Variants in CCDC192 observed in about 807,000 individuals in gnomAD.
CCDC192 encodes the protein coiled-coil domain containing 192, also known as coiled-coil domain-containing protein 192.
At chr5:127,752,299 T>C (rs1291262480) in intron 2 of CCDC192, among the ~76,000 whole-genome samples, 1 of 152,218 alleles carries the variant, frequency 6.6e-6, no homozygotes, top group Non-Finnish European at 1.5e-5. Context: ...TTGGTGTGGA[T>C]GTCCTTTCTG....
At chr5:127,783,783 A>G (rs780893011) in intron 3 of CCDC192, among the ~76,000 whole-genome samples, 3 of 152,132 alleles carry the variant, frequency 2.0e-5, no homozygotes, top group Non-Finnish European at 4.4e-5. Context: ...TCTTAGGTCT[A>G]TAAGTAATTG....
At chr5:127,755,713 C>A (rs1580603904) in intron 3 of CCDC192, among the ~76,000 whole-genome samples, 1 of 148,742 alleles carries the variant, frequency 6.7e-6, no homozygotes, top group African/African-American at 2.5e-5. Flanking sequence ...TTCAGAGTCT[C>A]CAAATTGGGA....
intron 5 of CCDC192, among the ~76,000 whole-genome samples, chr5:127,853,634 G>A (rs568859062): frequency 8.7e-4 from 132 of 152,224 alleles, no homozygotes; most frequent in African/African-American, 3.0e-3. Flanking sequence ...TTATCCGGGC[G>A]TGGTGATGGG....
intron 6 of CCDC192, among the ~76,000 whole-genome samples, chr5:127,875,969 G>A (rs2127135249): frequency 6.6e-6 from 1 of 152,080 alleles, no homozygotes; most frequent in Middle Eastern, 3.4e-3. Flanking sequence ...GGCGTAAGAA[G>A]GAAGGCAGGT....
chr5:127,880,752 G>A (rs2127143465), intron 6 of CCDC192, among the ~76,000 whole-genome samples: 1 of 152,240 alleles, frequency 6.6e-6, no homozygotes, highest in African/African-American at 2.4e-5. Flanking sequence ...GGCAGAGGTG[G>A]ATGGATCGCC....
chr5:127,901,634 G>A (rs1753039417), intron 6 of CCDC192, among the ~76,000 whole-genome samples: 1 of 152,166 alleles, frequency 6.6e-6, no homozygotes. Flanking sequence ...AAGCCTAACG[G>A]AAAAGTATGG....
chr5:127,752,110 C>G (rs1371239997), intron 2 of CCDC192, among the ~76,000 whole-genome samples: 1 of 152,240 alleles, frequency 6.6e-6, no homozygotes, highest in East Asian at 1.9e-4. Context: ...CTTCTTCCCT[C>G]AGCTCATCAA....
At chr5:127,932,070 C>G (rs1439679307) in intron 6 of CCDC192, among the ~76,000 whole-genome samples, 1 of 149,826 alleles carries the variant, frequency 6.7e-6, no homozygotes. Context: ...AGGGGAATCG[C>G]TTGAACCTGG....
At chr5:127,703,123 T>G (rs1015292391), upstream of CCDC192, among the ~76,000 whole-genome samples, 2 of 152,180 alleles carry the variant, frequency 1.3e-5, no homozygotes, top group African/African-American at 4.8e-5. Context: ...TTAGCATTGG[T>G]TCTGGATGTA....
chr5:127,870,064 C>T lies in CCDC192; in HGVS notation c.412-5474C>T, dbSNP rs888101997. On this transcript the variant is annotated intron_variant, in intron 5 of 6. Coordinates refer to ENST00000514853, the MANE Select transcript of CCDC192 (RefSeq NM_001317938.2). ...TATCAAATTAAATAAGAAAAAGCTA[C>T]GTCTTGCACTTGTGATTGTTTTTCA... Among the ~76,000 whole-genome samples the T allele has an allele frequency of 1.6e-4, 24 of 152,280 alleles. No homozygotes were observed. The East Asian group carries it at 3.1e-3, about 20-fold the overall frequency.
At chr5:127,881,020 T>A (rs574060939) in intron 6 of CCDC192, among the ~76,000 whole-genome samples, 1 of 152,106 alleles carries the variant, frequency 6.6e-6, no homozygotes, top group Non-Finnish European at 1.5e-5. Context: ...TACAGTGTAA[T>A]ACTTAATGAG....
At chr5:127,799,115 A>G (rs1757335261) in intron 5 of CCDC192, among the ~76,000 whole-genome samples, 2 of 152,172 alleles carry the variant, frequency 1.3e-5, no homozygotes, top group Non-Finnish European at 2.9e-5. Context: ...CTGACCAGTC[A>G]TGTTAATGGC....
At chr5:127,762,265 CA>C (rs766754662) in intron 3 of CCDC192, among the ~76,000 whole-genome samples, 1 of 152,180 alleles carries the variant, frequency 6.6e-6, no homozygotes, top group Non-Finnish European at 1.5e-5. Flanking sequence ...AAATCACAAG[CA>C]GTCTGTTTGA....
At position 127,797,210 on chromosome 5, in the gene CCDC192, A is replaced by G. The variant is rs550091874; in HGVS notation, c.330A>G (p.Glu110=). 1.0e-5 allele frequency: 4 copies of G among 398,328 alleles called. No homozygotes were observed. The highest frequency in any genetic ancestry group is 4.4e-5 in the Admixed American group (1 of 22,722). 24.7% of individuals were successfully genotyped at this position (398,328 alleles called of 1,614,324 possible). A position where few individuals can be genotyped will look rare whatever the true frequency, so the allele number is the denominator to read the frequency against. ...AGGAAGCCAGTGGGGGACCATATGA[A>G]AAAATGGTTCTTGTGAAAGACCAGG... ...DHKEASGGPY[E]KMVLVKDQCI... The change falls in exon 4 of 7, where the codon GAA becomes GAG. Residue 110 remains glutamate, a synonymous_variant. Coordinates refer to ENST00000514853, the MANE Select transcript of CCDC192 (RefSeq NM_001317938.2).
At chr5:127,925,263 T>TAACTCTATTACCATTAGCTTTAATAATG (rs776151748) in intron 6 of CCDC192, among the ~76,000 whole-genome samples, 23 of 152,010 alleles carry the variant, frequency 1.5e-4, no homozygotes, top group East Asian at 5.8e-4. Context: ...TATCAGAAGA[T>TAACTCTATTACCATTAGCTTTAATAATG]TTCCTAAACT....
chr5:127,861,393 G>T (rs1242122570), intron 5 of CCDC192, among the ~76,000 whole-genome samples: 5 of 150,466 alleles, frequency 3.3e-5, no homozygotes, highest in Non-Finnish European at 7.4e-5. Flanking sequence ...AGTGGCTCAT[G>T]CCTGTAATCC....
chr5:127,724,334 A>G (rs1752189656), intron 2 of CCDC192, among the ~76,000 whole-genome samples: 1 of 152,184 alleles, frequency 6.6e-6, no homozygotes, highest in African/African-American at 2.4e-5. Context: ...CAATAGAAAC[A>G]TCTATGTCTG....
At chr5:127,864,089 A>G (rs960927641) in intron 5 of CCDC192, among the ~76,000 whole-genome samples, 1 of 152,166 alleles carries the variant, frequency 6.6e-6, no homozygotes, top group Non-Finnish European at 1.5e-5. Flanking sequence ...GTTTCAGGTC[A>G]TTGTCGCTCC....
chr5:127,908,126 G>A (rs1022130324), intron 6 of CCDC192, among the ~76,000 whole-genome samples: 2 of 152,106 alleles, frequency 1.3e-5, no homozygotes, highest in African/African-American at 2.4e-5. Context: ...CTAATGTCTC[G>A]TCTTATACAC....
Sources: allele counts gnomAD v4.1 joint callset (sites outside exome capture counted in the v4.1 genomes callset), GRCh38; gene constraint gnomAD v4.1.1; transcripts MANE v1.5; gene names NCBI Gene and HGNC (gene_info 2026-07-23, HGNC 2026-07-21).